ATAD3A: variants seen among roughly 807,000 people sequenced by gnomAD.
ATAD3A encodes the protein ATPase family AAA domain-containing protein 3A.
Under a neutral mutation model 73.8 loss-of-function variants are expected in ATAD3A, and 46 were observed. That is an observed-to-expected ratio of 0.62 (90% confidence interval 0.49 to 0.80). The LOEUF is 0.80. Among genes scored for constraint, ATAD3A ranks in the 30% least tolerant of loss-of-function variants. ATAD3A has a pLI of 0.00. For synonymous variants in ATAD3A, 319 were observed against 350.0 expected (o/e 0.91, Z 0.99); for missense variants, 705 against 838.0 (o/e 0.84, Z 1.96).
At chr1:1,519,829 C>A (rs1641517153) in intron 5 of ATAD3A, among the ~76,000 whole-genome samples, 1 of 152,130 alleles carries the variant, frequency 6.6e-6, no homozygotes, top group Non-Finnish European at 1.5e-5. Context: ...GGATTTCTGC[C>A]CTAATCCATG....
chr1:1,517,006 C>T (rs1210489380), intron 2 of ATAD3A: 36 of 1,357,666 alleles, frequency 2.7e-5, no homozygotes, highest in Non-Finnish European at 3.4e-5. Context: ...GCCGTCGCAC[C>T]CGGTCCACTC....
At chr1:1,515,410 A>G (rs1006191335) in intron 1 of ATAD3A, among the ~76,000 whole-genome samples, 4 of 152,156 alleles carry the variant, frequency 2.6e-5, no homozygotes, top group Non-Finnish European at 5.9e-5. Flanking sequence ...TATGATGGGA[A>G]AACTGTCATC....
chr1:1,515,839 A>T (rs1282856078), intron 1 of ATAD3A, among the ~76,000 whole-genome samples, 173 bp from the exon 2 acceptor site: 3 of 152,114 alleles, frequency 2.0e-5, no homozygotes, highest in Non-Finnish European at 4.4e-5. Context: ...TGTGCTGGGG[A>T]TGGTGCATCG....
chr1:1,518,034 C>G (rs1482883628), intron 4 of ATAD3A, among the ~76,000 whole-genome samples: 1 of 151,750 alleles, frequency 6.6e-6, no homozygotes, highest in Non-Finnish European at 1.5e-5. Context: ...ACTCCCAGCA[C>G]ACACAGACAG....
intron 15 of ATAD3A, among the ~76,000 whole-genome samples, chr1:1,530,689 C>T (rs1392022134): frequency 4.9e-5 from 6 of 123,340 alleles, no homozygotes; most frequent in South Asian, 2.6e-4. Flanking sequence ...ATTAGCCGGG[C>T]GTAGTGGCGG....
At chr1:1,518,385 C>A (rs1289350922) in intron 4 of ATAD3A, among the ~76,000 whole-genome samples, 9 of 147,036 alleles carry the variant, frequency 6.1e-5, no homozygotes, top group African/African-American at 2.0e-4. Flanking sequence ...AGGCGCACAC[C>A]CACACACACA....
At chr1:1,532,262 G>A (rs768744823) in intron 15 of ATAD3A, among the ~76,000 whole-genome samples, 2 of 152,136 alleles carry the variant, frequency 1.3e-5, no homozygotes, top group Non-Finnish European at 2.9e-5. Flanking sequence ...TTCTTGTGGT[G>A]TCTTTGTCTG....
chr1:1,529,913 T>A (rs556117135), intron 15 of ATAD3A, among the ~76,000 whole-genome samples: 1 of 152,330 alleles, frequency 6.6e-6, no homozygotes, highest in East Asian at 1.9e-4. Context: ...CTTTGGGGGT[T>A]GCTGGAAAAG....
Position 1,520,870 on chromosome 1 carries a change from G to C in ATAD3A, c.750+253G>C, listed in dbSNP as rs758376216. Among the ~76,000 whole-genome samples the C allele has an allele frequency of 6.6e-6, 1 of 152,040 alleles. No individual in the cohort carries two copies. The highest frequency in any genetic ancestry group is 1.5e-5 in the Non-Finnish European group (1 of 68,006). On this transcript the variant is annotated intron_variant, in intron 7 of 15. Transcript: ENST00000378756. The surrounding 1 kb of genome is among the most constrained non-coding windows in gnomAD (Gnocchi z 4.0). ...AAAAATCAAATATTAGCTGGGTGTGGTGGCAGCCCCTGTGGTCCCACTACT... is the reference window on the plus strand; with the variant it reads ...AAAAATCAAATATTAGCTGGGTGTGCTGGCAGCCCCTGTGGTCCCACTACT...
rs1461012988 is a variant in ATAD3A, at chr1:1,520,405, G to C, written c.680+99G>C. 2 of 1,592,268 alleles carry C rather than the reference G, an allele frequency of 1.3e-6. No individual in the cohort carries two copies. Among genetic ancestry groups the C allele is most frequent in the Non-Finnish European group, 1.7e-6 (2 of 1,166,104 alleles). ...TCCAGCTCTTCCAGGCCTTGCCGCCGTAGGCTGACTCCTTGGTGGGGGCAC... is the reference window on the plus strand; with the variant it reads ...TCCAGCTCTTCCAGGCCTTGCCGCCCTAGGCTGACTCCTTGGTGGGGGCAC... On this transcript the variant is annotated intron_variant, in intron 6 of 15. Transcript: ENST00000378756. The surrounding 1 kb of genome is among the most constrained non-coding windows in gnomAD (Gnocchi z 4.0).
chr1:1,524,102 G>T, intron 10 of ATAD3A, 138 bp downstream of exon 10: 1 of 1,561,230 alleles, frequency 6.4e-7, no homozygotes. Context: ...CAGGGTGCTG[G>T]TGTGGGCAGC....
chr1:1,525,191 C>T, intron 11 of ATAD3A, 49 bp from the exon 12 acceptor site: 2 of 1,611,992 alleles, frequency 1.2e-6, no homozygotes, highest in Non-Finnish European at 1.7e-6. Flanking sequence ...CTGCTGTGGG[C>T]TGCTCCTGGT....
chr1:1,528,441 C>T (rs1472336397), intron 14 of ATAD3A, among the ~76,000 whole-genome samples: 2 of 152,262 alleles, frequency 1.3e-5, no homozygotes, highest in Admixed American at 6.5e-5. Flanking sequence ...AGAGGCTCCT[C>T]ATGGTCCACT....
intron 12 of ATAD3A, 121 bp downstream of exon 12, chr1:1,525,412 GC>G: frequency 3.0e-6 from 3 of 998,638 alleles, no homozygotes; most frequent in Non-Finnish European, 4.3e-6. Flanking sequence ...GTGAAAAACA[GC>G]TTTTTTTTTT....
chr1:1,512,517 G>C (rs1430460039), intron 1 of ATAD3A, 44 bp downstream of exon 1: 8 of 1,214,672 alleles, frequency 6.6e-6, no homozygotes, highest in Non-Finnish European at 8.3e-6. Flanking sequence ...CGGGCGGGAC[G>C]GGCCGGGGAA....
At chr1:1,527,958 C>CA in intron 14 of ATAD3A, 96 bp downstream of exon 14, 5 of 981,018 alleles carry the variant, frequency 5.1e-6, no homozygotes, top group Non-Finnish European at 6.8e-6. Flanking sequence ...TTTAACATTC[C>CA]TTTTTTTTTT....
intron 14 of ATAD3A, 96 bp downstream of exon 14, chr1:1,527,958 CTTTTTTTTT>C: frequency 1.0e-6 from 1 of 981,018 alleles, no homozygotes; most frequent in South Asian, 2.3e-5. Context: ...TTTAACATTC[CTTTTTTTTT>C]TTTTTTTTTG....
At position 1,533,854 on chromosome 1, in the gene ATAD3A, C is replaced by A. The variant is rs535064633; in HGVS notation, c.1615-72C>A. 8 of 1,547,718 alleles carry A rather than the reference C, an allele frequency of 5.2e-6. No individual in the cohort carries two copies. In the Admixed American group the frequency reaches 1.5e-4, roughly 30 times the overall value. On this transcript the variant is annotated intron_variant, in intron 15 of 15. Transcript: ENST00000378756. Reference sequence around the variant, plus strand: ...CCCCTGGTTTGGTCCCTCCCCACCTCGGGGCCCTGGCGTGCATTTGGGGTG... The same window carrying A: ...CCCCTGGTTTGGTCCCTCCCCACCTAGGGGCCCTGGCGTGCATTTGGGGTG...
rs145958395 is a variant in ATAD3A, at chr1:1,522,797, G to A, written c.804G>A (p.Thr268=). ...GGGTCTACTCAGCCAAGAATGCCAC[G>A]CTTGTCGCCGGCCGCTTCATCGAGG... The part of the protein sequence containing the change: ...AVGVYSAKNA[T]LVAGRFIEAR... The change falls in exon 8 of 16, where the codon ACG becomes ACA. Residue 268 remains threonine (T), a synonymous_variant. Coordinates refer to ENST00000378756, the MANE Select transcript of ATAD3A (RefSeq NM_001170535.3). 3.0e-5 allele frequency: 49 copies of A among 1,609,546 alleles called. 1 individual carries two copies. The East Asian group carries it at 5.3e-4, about 18-fold the overall frequency.
Sources: gnomAD v4.1 joint callset for allele counts (sites outside exome capture counted in the v4.1 genomes callset) on GRCh38, gnomAD v4.1.1 for gene constraint, Gnocchi (gnomAD v3.1) non-coding constraint, MANE v1.5 for transcripts, NCBI Gene and HGNC (gene_info 2026-07-23, HGNC 2026-07-21) for gene names.